CCDC148: variants seen among roughly 807,000 people sequenced by gnomAD.
The protein encoded by CCDC148 is coiled-coil domain containing 148.
Under a neutral mutation model 85.7 loss-of-function variants are expected in CCDC148, and 89 were observed. That is an observed-to-expected ratio of 1.04 (90% CI 0.87 to 1.24). The LOEUF (loss-of-function observed/expected upper bound fraction) is 1.24. Among genes scored for constraint, CCDC148 ranks in the 50% most tolerant of loss-of-function variants. The pLI is 0.00. For missense variants in CCDC148, 692 were observed against 671.7 expected (o/e 1.03, Z -0.33); for synonymous variants, 230 against 213.9 (o/e 1.08, Z -0.66).
chr2:158,446,048 C>T (rs1688144140), intron 1 of CCDC148, among the ~76,000 whole-genome samples: 1 of 152,126 alleles, frequency 6.6e-6, no homozygotes, highest in African/African-American at 2.4e-5. Flanking sequence ...AACTATGATA[C>T]TCAAATTTCA....
chr2:158,291,478 G>A (rs902805575), intron 9 of CCDC148, among the ~76,000 whole-genome samples: 1 of 152,166 alleles, frequency 6.6e-6, no homozygotes, highest in Non-Finnish European at 1.5e-5. Flanking sequence ...TCTGATCTAA[G>A]GAAGACTGGC....
intron 3 of CCDC148, among the ~76,000 whole-genome samples, chr2:158,344,532 T>C (rs1048380646): frequency 6.6e-6 from 1 of 152,108 alleles, no homozygotes; most frequent in African/African-American, 2.4e-5. Context: ...ATAAATATCA[T>C]CATTAAAACA....
intron 11 of CCDC148, among the ~76,000 whole-genome samples, chr2:158,202,299 G>A (rs1686008525): frequency 6.6e-6 from 1 of 152,164 alleles, no homozygotes; most frequent in Non-Finnish European, 1.5e-5. Flanking sequence ...TTTAGCAGAA[G>A]GGTCAGACCA....
intron 11 of CCDC148, among the ~76,000 whole-genome samples, chr2:158,200,634 C>T (rs1253128308): frequency 6.6e-6 from 1 of 152,150 alleles, no homozygotes; most frequent in Non-Finnish European, 1.5e-5. Context: ...TATTTTGGCA[C>T]CAGGGTGATG....
chr2:158,360,530 C>A (rs755403325), intron 1 of CCDC148, among the ~76,000 whole-genome samples: 1 of 152,146 alleles, frequency 6.6e-6, no homozygotes, highest in African/African-American at 2.4e-5. Flanking sequence ...CCCAGGTAAA[C>A]AGAGTCTGGA....
intron 10 of CCDC148, among the ~76,000 whole-genome samples, chr2:158,237,015 T>C (rs1207266496): frequency 2.6e-5 from 4 of 152,144 alleles, no homozygotes; most frequent in African/African-American, 7.2e-5. Flanking sequence ...CATCAAGGAC[T>C]TTCTTTCTAA....
chr2:158,442,156 T>G (rs1687962133), intron 1 of CCDC148, among the ~76,000 whole-genome samples: 1 of 152,284 alleles, frequency 6.6e-6, no homozygotes, highest in Admixed American at 6.5e-5. Context: ...AACAAAGGCT[T>G]TTTAAAGGTA....
chr2:158,306,693 G>C (rs1433089184), intron 9 of CCDC148, among the ~76,000 whole-genome samples: 1 of 151,996 alleles, frequency 6.6e-6, no homozygotes, highest in Non-Finnish European at 1.5e-5. Context: ...TGGGGGAAGG[G>C]GGGAGGGAAA....
chr2:158,349,587 T>G (rs1256905750), intron 2 of CCDC148, among the ~76,000 whole-genome samples: 1 of 152,052 alleles, frequency 6.6e-6, no homozygotes, highest in Non-Finnish European at 1.5e-5. Flanking sequence ...TAATTCCACT[T>G]AAGCCATGAG....
At chr2:158,229,457 T>C (rs146697724) in intron 10 of CCDC148, among the ~76,000 whole-genome samples, 40 of 152,362 alleles carry the variant, frequency 2.6e-4, no homozygotes, top group African/African-American at 7.5e-4. Flanking sequence ...ACTAAATTTA[T>C]GGTTTCAATT....
At chr2:158,409,777 C>A (rs1476048546) in intron 1 of CCDC148, among the ~76,000 whole-genome samples, 2 of 152,130 alleles carry the variant, frequency 1.3e-5, no homozygotes, top group Non-Finnish European at 2.9e-5. Flanking sequence ...TGGTTTGGCT[C>A]TGTGTCCCCA....
intron 9 of CCDC148, among the ~76,000 whole-genome samples, chr2:158,277,868 T>A (rs970560856): frequency 6.7e-6 from 1 of 150,012 alleles, no homozygotes; most frequent in African/African-American, 2.4e-5. Flanking sequence ...AGGAGTTATG[T>A]TTTTTATTTT....
At chr2:158,312,442 C>T (rs535006170) in intron 8 of CCDC148, among the ~76,000 whole-genome samples, 36 of 151,892 alleles carry the variant, frequency 2.4e-4, no homozygotes, top group Admixed American at 6.6e-4. Context: ...ATTAGCTGGG[C>T]GTGGTAGCCT....
At chr2:158,408,417 A>G (rs1455154427) in intron 1 of CCDC148, among the ~76,000 whole-genome samples, 9 of 152,130 alleles carry the variant, frequency 5.9e-5, no homozygotes, top group Non-Finnish European at 1.5e-5. Flanking sequence ...GGCAAGCAAC[A>G]TTCTACATTC....
chr2:158,314,518 C>T (rs1692189655), intron 7 of CCDC148, among the ~76,000 whole-genome samples: 1 of 152,166 alleles, frequency 6.6e-6, no homozygotes, highest in Admixed American at 6.5e-5. Context: ...CTTCAAGTCA[C>T]CTTCCCAGTA....
intron 8 of CCDC148, among the ~76,000 whole-genome samples, chr2:158,312,597 A>C (rs1336372332): frequency 1.4e-5 from 2 of 142,574 alleles, no homozygotes; most frequent in East Asian, 2.0e-4. Flanking sequence ...AAAAAAAAAA[A>C]CCAAAAAACA....
At chr2:158,240,328 T>C (rs1688294098) in intron 10 of CCDC148, among the ~76,000 whole-genome samples, 1 of 151,990 alleles carries the variant, frequency 6.6e-6, no homozygotes, top group Non-Finnish European at 1.5e-5. Flanking sequence ...CCATGGGATT[T>C]TTGTGTTCAC....
chr2:158,283,569 C>T (rs1181878260), intron 9 of CCDC148, among the ~76,000 whole-genome samples: 1 of 152,204 alleles, frequency 6.6e-6, no homozygotes, highest in East Asian at 1.9e-4. Context: ...ATCAAAACTA[C>T]AATGAGATAC....
chr2:158,301,937 A>C (rs1191669028), intron 9 of CCDC148, among the ~76,000 whole-genome samples: 1 of 152,216 alleles, frequency 6.6e-6, no homozygotes, highest in Admixed American at 6.5e-5. Flanking sequence ...AGAGCTAGGG[A>C]CTGCCCAAGA....
Sources: gnomAD v4.1 joint callset for allele counts (sites outside exome capture counted in the v4.1 genomes callset) on GRCh38, gnomAD v4.1.1 for gene constraint, MANE v1.5 for transcripts, NCBI Gene and HGNC (gene_info 2026-07-23, HGNC 2026-07-21) for gene names.